Variants in C16orf89 observed in about 807,000 individuals in gnomAD.
C16orf89 encodes the protein chromosome 16 open reading frame 89.
A neutral mutation model predicts 41.5 loss-of-function variants in C16orf89; 57 were observed. That is an observed-to-expected ratio of 1.38 (90% confidence interval 1.11 to 1.71). C16orf89 has a LOEUF of 1.71. C16orf89 is among the 40% of genes most tolerant of loss of function. The pLI, the probability that C16orf89 is intolerant of heterozygous loss-of-function variation, is 0.00. For synonymous variants in C16orf89, 223 were observed against 190.6 expected (o/e 1.17, Z -1.40); for missense variants, 575 against 445.9 (o/e 1.29, Z -2.61).
chr16:5,064,653 G>A (rs1210197702), intron 1 of C16orf89, among the ~76,000 whole-genome samples: 6 of 152,304 alleles, frequency 3.9e-5, no homozygotes, highest in South Asian at 4.1e-4. Flanking sequence ...CACAGTTCAC[G>A]GGTGTGGTTG....
chr16:5,062,430 AG>A lies in C16orf89; in HGVS notation c.352del (p.Leu118Ter). 2 of 1,611,864 alleles carry A rather than the reference AG, an allele frequency of 1.2e-6. No homozygotes were observed. Among genetic ancestry groups the A allele is most frequent in the Non-Finnish European group, 1.7e-6 (2 of 1,179,210 alleles). On this transcript the variant is annotated frameshift_variant, in exon 2 of 8. Transcript: ENST00000472572. LOFTEE classifies it high-confidence loss of function. ...HYLKLSDPKY[L>X]REFQLTLQPG... The stretch of plus-strand genomic sequence containing the variant: ...GACACCCTGCGTGTGCTCACCTCTT[AG>A]GTACTTGGGATCACTCAGCTTGAGG...
chr16:5,060,484 G>A (rs772817339), intron 2 of C16orf89, 48 bp from the exon 3 acceptor site: 8 of 1,560,598 alleles, frequency 5.1e-6, no homozygotes, highest in Non-Finnish European at 7.0e-6. Flanking sequence ...GGTGACCCAG[G>A]AGCAGTGGGC....
Position 5,060,393 on chromosome 16 carries a change from A to C in C16orf89, c.402T>G (p.His134Gln), listed in dbSNP as rs760742644. The change falls in exon 3 of 8, where the codon CAT (histidine) becomes CAG (glutamine). Residue 134 changes from histidine to glutamine, a missense_variant. Transcript: ENST00000472572. ...TLQPGFWKLPHAWIHTDASLV... is the reference protein window; with the variant it reads ...TLQPGFWKLPQAWIHTDASLV... ...AGGAGGCATCAGTGTGGATCCAGGC[A>C]TGTGGGAGCTTCCAAAACCCGGGCT... 5 of 1,612,980 alleles carry C rather than the reference A, an allele frequency of 3.1e-6. No individual in the cohort carries two copies. The highest frequency in any genetic ancestry group is 8.5e-7 in the Non-Finnish European group (1 of 1,179,562).
Sources: allele counts gnomAD v4.1 joint callset (sites outside exome capture counted in the v4.1 genomes callset), GRCh38; gene constraint gnomAD v4.1.1; transcripts MANE v1.5; gene names NCBI Gene and HGNC (gene_info 2026-07-23, HGNC 2026-07-21).